The following CTNNA3 variants were observed in gnomAD, a reference collection of about 807,000 sequenced individuals.
The protein encoded by CTNNA3 is catenin alpha-3.
Under a neutral mutation model 95.7 loss-of-function variants are expected in CTNNA3, and 76 were observed. The observed-to-expected ratio is 0.79, with a 90% CI of 0.66 to 0.96. The LOEUF (loss-of-function observed/expected upper bound fraction) is 0.96, where lower values mean the gene tolerates loss of function less well. Among genes scored for constraint, CTNNA3 ranks in the 40% least tolerant of loss-of-function variants. CTNNA3 has a pLI of 0.00. For synonymous variants in CTNNA3, 431 were observed against 374.4 expected (o/e 1.15, Z -1.74); for missense variants, 1,191 against 1,089.8 (o/e 1.09, Z -1.31).
At chr10:67,038,190 T>C (rs770913256) in intron 7 of CTNNA3, among the ~76,000 whole-genome samples, 1 of 152,120 alleles carries the variant, frequency 6.6e-6, no homozygotes, top group Non-Finnish European at 1.5e-5. Context: ...TGGATAATCC[T>C]CCTGAATATA....
intron 5 of CTNNA3, among the ~76,000 whole-genome samples, chr10:67,368,966 C>T (rs907898090): frequency 1.3e-5 from 2 of 152,054 alleles, no homozygotes; most frequent in African/African-American, 2.4e-5. Context: ...GTTTCACCAT[C>T]GACATATTTC....
chr10:66,965,625 C>A (rs1427673840), intron 7 of CTNNA3, among the ~76,000 whole-genome samples: 1 of 151,080 alleles, frequency 6.6e-6, no homozygotes, highest in Non-Finnish European at 1.5e-5. Context: ...AAGACAGTTC[C>A]CAAAATGTCT....
intron 7 of CTNNA3, among the ~76,000 whole-genome samples, chr10:67,153,352 G>A (rs974633013): frequency 4.6e-5 from 7 of 152,176 alleles, no homozygotes; most frequent in Non-Finnish European, 7.3e-5. Context: ...AAAGGTGGGG[G>A]CCTTCACTTG....
chr10:66,806,377 T>A (rs1589275697), intron 7 of CTNNA3, among the ~76,000 whole-genome samples: 1 of 151,538 alleles, frequency 6.6e-6, no homozygotes, highest in South Asian at 2.1e-4. Flanking sequence ...GAAATTGAGG[T>A]TTAGAGAGAT....
chr10:66,762,225 T>A (rs1839627727), intron 9 of CTNNA3, among the ~76,000 whole-genome samples: 1 of 152,130 alleles, frequency 6.6e-6, no homozygotes, highest in Admixed American at 6.6e-5. Context: ...CAAGGTGAGA[T>A]CAAAGTACTG....
intron 7 of CTNNA3, among the ~76,000 whole-genome samples, chr10:67,078,341 A>G (rs976778703): frequency 6.6e-6 from 1 of 152,184 alleles, no homozygotes; most frequent in Non-Finnish European, 1.5e-5. Context: ...CTAAAGCACA[A>G]TTGCTCTAAA....
At chr10:67,093,977 A>AC (rs1589729240) in intron 7 of CTNNA3, among the ~76,000 whole-genome samples, 1 of 151,954 alleles carries the variant, frequency 6.6e-6, no homozygotes, top group African/African-American at 2.4e-5. Flanking sequence ...CAGGTAGTGC[A>AC]CTGCTACTTG....
At chr10:66,858,140 T>G (rs754168106) in intron 7 of CTNNA3, among the ~76,000 whole-genome samples, 5 of 152,168 alleles carry the variant, frequency 3.3e-5, no homozygotes, top group Non-Finnish European at 5.9e-5. Flanking sequence ...AAAAGCCTTT[T>G]CTGCATCTAC....
chr10:66,321,491 C>T (rs1198063421), intron 12 of CTNNA3, among the ~76,000 whole-genome samples: 1 of 152,080 alleles, frequency 6.6e-6, no homozygotes, highest in Non-Finnish European at 1.5e-5. Context: ...ATAAAAAACT[C>T]TTAGCCTGTT....
intron 7 of CTNNA3, among the ~76,000 whole-genome samples, chr10:66,888,430 G>T (rs1845129573): frequency 6.6e-6 from 1 of 152,118 alleles, no homozygotes; most frequent in African/African-American, 2.4e-5. Context: ...GAAAATAAAT[G>T]TGTGTTGTTT....
At chr10:67,694,113 T>C (rs1441193691) in intron 1 of CTNNA3, among the ~76,000 whole-genome samples, 2 of 152,226 alleles carry the variant, frequency 1.3e-5, no homozygotes, top group East Asian at 3.8e-4. Context: ...CATGGTCTTC[T>C]AATAAAGTTA....
chr10:66,646,311 C>T (rs115703482), intron 9 of CTNNA3, among the ~76,000 whole-genome samples: 135 of 152,130 alleles, frequency 8.9e-4, no homozygotes, highest in Middle Eastern at 3.4e-3. Flanking sequence ...TCCAGCACAA[C>T]GGATGGGACA....
intron 7 of CTNNA3, among the ~76,000 whole-genome samples, chr10:67,087,474 A>C (rs1857369951): frequency 6.6e-6 from 1 of 151,994 alleles, no homozygotes; most frequent in South Asian, 2.1e-4. Context: ...TTCTTTTAAA[A>C]AGTTTTATAC....
intron 12 of CTNNA3, among the ~76,000 whole-genome samples, chr10:66,346,076 CAAAAAA>C (rs746349432): frequency 1.4e-5 from 1 of 70,426 alleles, no homozygotes. Context: ...GACTCCATCT[CAAAAAA>C]AAAAAAAAAA....
chr10:67,761,559 G>T (rs1841461456), intron 1 of CTNNA3, among the ~76,000 whole-genome samples: 1 of 152,070 alleles, frequency 6.6e-6, no homozygotes, highest in African/African-American at 2.4e-5. Flanking sequence ...ACCCAAATTA[G>T]CTTAATTGAA....
At chr10:66,677,566 G>A (rs896545216) in intron 9 of CTNNA3, among the ~76,000 whole-genome samples, 1 of 152,058 alleles carries the variant, frequency 6.6e-6, no homozygotes, top group Non-Finnish European at 1.5e-5. Context: ...TGAATCATGT[G>A]GGCGGAGCTT....
chr10:66,423,755 T>C (rs1380783012), intron 11 of CTNNA3, among the ~76,000 whole-genome samples: 1 of 152,244 alleles, frequency 6.6e-6, no homozygotes, highest in Admixed American at 6.5e-5. Flanking sequence ...ACTCTCAGTC[T>C]GTAAGAGAGA....
intron 13 of CTNNA3, among the ~76,000 whole-genome samples, chr10:66,141,134 C>T (rs1007316179): frequency 1.3e-5 from 2 of 151,864 alleles, no homozygotes; most frequent in Non-Finnish European, 2.9e-5. Context: ...TGGTGCATGC[C>T]TGTAATCCCA....
chr10:66,743,498 T>G (rs1050950048), intron 9 of CTNNA3, among the ~76,000 whole-genome samples: 2 of 152,124 alleles, frequency 1.3e-5, no homozygotes, highest in Non-Finnish European at 2.9e-5. Context: ...TCTAAACCCA[T>G]TTTGGGGAGA....
Sources: allele counts gnomAD v4.1 joint callset (sites outside exome capture counted in the v4.1 genomes callset), GRCh38; gene constraint gnomAD v4.1.1; transcripts MANE v1.5; gene names NCBI Gene and HGNC (gene_info 2026-07-23, HGNC 2026-07-21).